ASXL1: variants seen among roughly 807,000 people sequenced by gnomAD.
ASXL1 encodes the protein ASXL transcriptional regulator 1, also known as polycomb group protein ASXL1.
In ASXL1, 65 loss-of-function variants were observed where a neutral mutation model predicts 89.1. The observed-to-expected ratio is 0.73, with a 90% CI of 0.60 to 0.90. ASXL1 has a LOEUF of 0.90. ASXL1 is among the 40% of genes least tolerant of loss of function. The pLI is 0.00. For missense variants in ASXL1, 1,786 were observed against 1,942.9 expected (o/e 0.92, Z 1.52); for synonymous variants, 739 against 746.9 (o/e 0.99, Z 0.17).
At position 32,436,230 on chromosome 20, in the gene ASXL1, T is replaced by C. The variant is rs768239600; in HGVS notation, c.3518T>C (p.Leu1173Ser). ...AGCAGCCCCAGTTCTTTAAGGGCTTTGAAGGAGCCTCTTCTGCCAGATAGC... is the reference window on the plus strand; with the variant it reads ...AGCAGCCCCAGTTCTTTAAGGGCTTCGAAGGAGCCTCTTCTGCCAGATAGC... ...DGSSPSSLRA[L>S]KEPLLPDSCE... Residue 1173 changes from leucine to serine, a missense_variant, in exon 13 of 13, where the codon TTG becomes TCG. Physicochemically the swap from Leu to Ser is moderately radical, Grantham distance 145 (BLOSUM62 -2). Coordinates refer to ENST00000375687, the MANE Select transcript of ASXL1 (RefSeq NM_015338.6). 4 of 1,614,240 alleles carry C rather than the reference T, an allele frequency of 2.5e-6. No individual in the cohort carries two copies. Among genetic ancestry groups the C allele is most frequent in the Non-Finnish European group, 2.5e-6 (3 of 1,180,042 alleles).
In ASXL1 at chr20:32,435,929, C is replaced by T. The variant is rs549552934; in HGVS notation, c.3217C>T (p.Arg1073Cys). ...QSWVSRVCAV[R>C]QKIPDSLLLA... ...CTGGGTGTCTCGAGTATGTGCGGTC[C>T]GCCAAAAGATCCCAGATTCCCTACT... The change falls in exon 13 of 13, where the codon CGC becomes TGC. Residue 1073 changes from arginine to cysteine, a missense_variant. Physicochemically the swap from Arg to Cys is radical, Grantham distance 180 (BLOSUM62 -3). Coordinates refer to ENST00000375687, the MANE Select transcript of ASXL1 (RefSeq NM_015338.6). 61 of 1,614,124 alleles carry T rather than the reference C, an allele frequency of 3.8e-5. No individual in the cohort carries two copies. The highest frequency in any genetic ancestry group is 3.3e-5 in the South Asian group (3 of 91,082).
At chr20:32,359,882 G>T in intron 1 of ASXL1, 1 of 715,990 alleles carries the variant, frequency 1.4e-6, no homozygotes, top group Non-Finnish European at 2.6e-6. Flanking sequence ...GTAGTAACAG[G>T]TTATACTAAG....
intron 4 of ASXL1, among the ~76,000 whole-genome samples, chr20:32,425,848 G>A (rs992890584): frequency 6.6e-6 from 1 of 152,114 alleles, no homozygotes; most frequent in African/African-American, 2.4e-5. Flanking sequence ...GGGACTGCAG[G>A]TGTGCGCCAC....
chr20:32,373,306 G>T (rs903064025), intron 4 of ASXL1, among the ~76,000 whole-genome samples: 6 of 152,200 alleles, frequency 3.9e-5, no homozygotes, highest in Middle Eastern at 3.4e-3. Flanking sequence ...TAACCCGGGA[G>T]ATGGAGGTTG....
intron 4 of ASXL1, among the ~76,000 whole-genome samples, chr20:32,411,994 G>T (rs1031974747): frequency 6.6e-6 from 1 of 151,986 alleles, no homozygotes; most frequent in African/African-American, 2.4e-5. Flanking sequence ...TTACTTACCT[G>T]CTTTCTGACC....
intron 10 of ASXL1, 141 bp downstream of exon 10, chr20:32,431,820 G>A (rs2011524266): frequency 1.1e-6 from 1 of 890,080 alleles, no homozygotes; most frequent in Admixed American, 2.0e-5. Flanking sequence ...ACTAATAAAT[G>A]TGGTGGGTAT....
In ASXL1 at chr20:32,404,885, T is replaced by A. The variant is rs547386470; in HGVS notation, c.253-23243T>A. 2.0e-4 allele frequency among the ~76,000 whole-genome samples: 31 copies of A among 152,362 alleles called. No individual in the cohort carries two copies. In the South Asian group the frequency reaches 4.8e-3, roughly 23 times the overall value. ...TTTTGTCAAAGTTTCTGCATTGATA[T>A]AAATAATTATGCTTTCTTTTCACAT... On this transcript the variant is annotated intron_variant, in intron 4 of 12. Transcript: ENST00000375687.
chr20:32,391,991 T>C (rs1435341543), intron 4 of ASXL1, among the ~76,000 whole-genome samples: 1 of 152,154 alleles, frequency 6.6e-6, no homozygotes, highest in Non-Finnish European at 1.5e-5. Context: ...CTAATTCTTT[T>C]ACTTGGGATG....
intron 4 of ASXL1, among the ~76,000 whole-genome samples, chr20:32,373,847 G>A (rs1373184375): frequency 1.3e-5 from 2 of 151,982 alleles, no homozygotes; most frequent in African/African-American, 4.8e-5. Flanking sequence ...TAGCCTGGGT[G>A]ACAGAGACTC....
At chr20:32,403,662 G>A (rs2048911263) in intron 4 of ASXL1, among the ~76,000 whole-genome samples, 2 of 152,240 alleles carry the variant, frequency 1.3e-5, no homozygotes, top group Admixed American at 6.5e-5. Flanking sequence ...TGATCTTCCT[G>A]CCTCAGCCTC....
chr20:32,435,154 T>TC lies in ASXL1; in HGVS notation c.2444dup (p.Ser816ValfsTer6). 1 of 1,613,886 alleles carries TC rather than the reference T, an allele frequency of 6.2e-7. No homozygotes were observed. Among genetic ancestry groups the TC allele is most frequent in the Non-Finnish European group, 8.5e-7 (1 of 1,180,024 alleles). On this transcript the variant is annotated frameshift_variant, in exon 13 of 13. Transcript: ENST00000375687. LOFTEE classifies it low-confidence loss of function (END_TRUNC). ...CCGTTCCTGCAGACAATGGTCCCAT[T>TC]CCGTCTCTAGTGGGAGATGATACAT...
In ASXL1 at chr20:32,358,777, TGAA is replaced by T. The variant is rs2048056118; in HGVS notation, c.4_6del (p.Lys2?). 6.9e-7 allele frequency: 1 copy of T among 1,452,294 alleles called. No homozygotes were observed. The highest frequency in any genetic ancestry group is 3.1e-5 in the East Asian group (1 of 32,284). 90.0% of individuals were successfully genotyped at this position (1,452,294 alleles called of 1,614,324 possible). On this transcript the variant is annotated start_lost and inframe_deletion, in exon 1 of 13. Coordinates refer to ENST00000375687, the MANE Select transcript of ASXL1 (RefSeq NM_015338.6). ...CTGCCGCCGCCGCCGGGGAGAAGGATGAAGGACAAACAGAAGAAGAAGAAGGAG... is the reference window on the plus strand; with the variant it reads ...CTGCCGCCGCCGCCGGGGAGAAGGATGGACAAACAGAAGAAGAAGAAGGAG...
intron 1 of ASXL1, chr20:32,359,169 C>A: frequency 1.5e-6 from 1 of 679,336 alleles, no homozygotes; most frequent in Non-Finnish European, 2.7e-6. Flanking sequence ...GGGTCTGGGG[C>A]AGCTTCGTTC....
Position 32,437,136 on chromosome 20 carries a change from G to A in ASXL1, c.4424G>A (p.Ser1475Asn). 6.2e-7 allele frequency: 1 copy of A among 1,614,180 alleles called. No individual in the cohort carries two copies. Among genetic ancestry groups the A allele is most frequent in the Non-Finnish European group, 8.5e-7 (1 of 1,180,026 alleles). Reference protein sequence around the residue: ...KGLAGSVVQLSHKANFGASHS... With the variant: ...KGLAGSVVQLNHKANFGASHS... ...CTTGCTGGAAGTGTGGTGCAGCTGAGCCACAAAGCAAACTTTGGTGCGAGC... is the reference window on the plus strand; with the variant it reads ...CTTGCTGGAAGTGTGGTGCAGCTGAACCACAAAGCAAACTTTGGTGCGAGC... The change falls in exon 13 of 13, where the codon AGC (serine) becomes AAC (asparagine). Residue 1475 changes from serine (S) to asparagine (N), a missense_variant. Around this residue, in one of 3 missense-constraint regions of ASXL1, gnomAD observed 1,418 missense variants for 1,427.8 expected, o/e 0.99. Coordinates refer to ENST00000375687, the MANE Select transcript of ASXL1 (RefSeq NM_015338.6).
At chr20:32,401,757 T>C (rs1319265383) in intron 4 of ASXL1, among the ~76,000 whole-genome samples, 2 of 152,126 alleles carry the variant, frequency 1.3e-5, no homozygotes, top group East Asian at 1.9e-4. Flanking sequence ...GGTTTCACCA[T>C]GTTGGCCAGG....
intron 4 of ASXL1, among the ~76,000 whole-genome samples, chr20:32,411,536 CTTTTT>C (rs749530241): frequency 8.1e-6 from 1 of 123,898 alleles, no homozygotes; most frequent in Non-Finnish European, 1.6e-5. Flanking sequence ...CCATGGATTC[CTTTTT>C]TTTTTTTTTT....
chr20:32,392,161 T>G (rs772261083), intron 4 of ASXL1, among the ~76,000 whole-genome samples: 8 of 152,058 alleles, frequency 5.3e-5, no homozygotes, highest in Admixed American at 5.2e-4. Context: ...CCACCCAGGC[T>G]GGGGTGCTAG....
At chr20:32,411,053 AAATAAAAAAAAAT>A (rs2049035268) in intron 4 of ASXL1, among the ~76,000 whole-genome samples, 2 of 20,270 alleles carry the variant, frequency 9.9e-5, no homozygotes, top group African/African-American at 1.8e-4. Flanking sequence ...AAAATAAAAA[AAATAAAAAAAAAT>A]TAGTACTCTG....
intron 1 of ASXL1, among the ~76,000 whole-genome samples, chr20:32,364,065 GTTGGGTTGTAA>G (rs1369923124): frequency 1.3e-5 from 2 of 152,174 alleles, no homozygotes; most frequent in Non-Finnish European, 2.9e-5. Flanking sequence ...CTAGGTTCAG[GTTGGGTTGTAA>G]TTGCCCCAGT....
Sources: gnomAD v4.1 joint callset for allele counts (sites outside exome capture counted in the v4.1 genomes callset) on GRCh38, gnomAD v4.1.1 for gene constraint, gnomAD v4.1.1 regional missense constraint, MANE v1.5 for transcripts, NCBI Gene and HGNC (gene_info 2026-07-23, HGNC 2026-07-21) for gene names.